The following ATG5 variants were observed in gnomAD, a reference collection of about 807,000 sequenced individuals.
ATG5 encodes autophagy related 5.
ATG5 carries 14 observed loss-of-function variants against 36.5 expected under a neutral mutation model. The observed-to-expected ratio is 0.38, with a 90% CI of 0.25 to 0.60. The LOEUF (loss-of-function observed/expected upper bound fraction) is 0.60, where lower values mean the gene tolerates loss of function less well. Ranked by LOEUF, ATG5 falls within the 20% of genes least tolerant of loss-of-function variation. ATG5 has a pLI of 0.60. For synonymous variants in ATG5, 95 were observed against 101.5 expected (o/e 0.94, Z 0.38); for missense variants, 195 against 326.7 (o/e 0.60, Z 3.11).
At chr6:106,269,343 G>A (rs1226335043) in intron 5 of ATG5, among the ~76,000 whole-genome samples, 7 of 152,252 alleles carry the variant, frequency 4.6e-5, no homozygotes, top group Admixed American at 3.3e-4. Context: ...CCAGACTCAG[G>A]AGCCCAGCTG....
chr6:106,292,549 T>C (rs1216766981), intron 4 of ATG5, among the ~76,000 whole-genome samples: 1 of 152,220 alleles, frequency 6.6e-6, no homozygotes, highest in East Asian at 1.9e-4. Flanking sequence ...TACTCAACAG[T>C]ATTAGGTTGT....
chr6:106,298,354 G>A (rs529904350), intron 3 of ATG5, among the ~76,000 whole-genome samples: 116 of 152,138 alleles, frequency 7.6e-4, no homozygotes, highest in East Asian at 1.9e-4. Flanking sequence ...TAAGAATTAG[G>A]AGATAAATTT....
rs5878872 is a variant in ATG5 at position 106,200,477 on chromosome 6, AT to A, written c.691+1494del. 1.9e-3 allele frequency among the ~76,000 whole-genome samples: 271 copies of A among 144,412 alleles called. 1 individual carries two copies. The highest frequency in any genetic ancestry group is 5.9e-3 in the South Asian group (27 of 4,592). 94.7% of individuals were successfully genotyped at this position (144,412 alleles called of 152,430 possible). On this transcript the variant is annotated intron_variant, in intron 7 of 7. Coordinates refer to ENST00000369076, the MANE Select transcript of ATG5 (RefSeq NM_004849.4). ...ATTATATAATAAATACAACTCTGCA[AT>A]TTTTTTTTTTTTTTGAGACGGAGTC...
chr6:106,281,090 T>TGA (rs1779861693), intron 4 of ATG5, among the ~76,000 whole-genome samples: 1 of 151,934 alleles, frequency 6.6e-6, no homozygotes, highest in South Asian at 2.1e-4. Context: ...AAGAATGAAA[T>TGA]GAAAAGATAA....
chr6:106,317,762 C>A (rs774137200), intron 1 of ATG5, among the ~76,000 whole-genome samples: 39 of 152,098 alleles, frequency 2.6e-4, no homozygotes, highest in Non-Finnish European at 5.6e-4. Context: ...TCCAAGTTTA[C>A]AAATGACACA....
rs1290316064 is a variant in ATG5 at position 106,185,017 on chromosome 6, T to C, written c.*1523A>G. The C allele has an allele frequency of 1.3e-5, 2 of 152,378 alleles. No homozygotes were observed. The highest frequency in any genetic ancestry group is 4.8e-5 in the African/African-American group (2 of 41,472). The allele number at this position is 152,378 out of a possible 1,614,324, so 9.4% of individuals were successfully genotyped here. On this transcript the variant is annotated 3_prime_UTR_variant, in exon 8 of 8. Transcript: ENST00000369076. ...TCCTGCCTTTACTAAAATGGCACTT[T>C]CGTTTACATCAACCAATTATTTTCT...
chr6:106,269,393 G>A (rs753595948), intron 5 of ATG5, among the ~76,000 whole-genome samples: 6 of 95,498 alleles, frequency 6.3e-5, no homozygotes, highest in Admixed American at 1.1e-4. Flanking sequence ...TGCCAGTCCC[G>A]CGCCGTGCCC....
At chr6:106,241,666 T>C (rs186898940) in intron 6 of ATG5, among the ~76,000 whole-genome samples, 1 of 152,272 alleles carries the variant, frequency 6.6e-6, no homozygotes, top group Admixed American at 6.5e-5. Flanking sequence ...TACAGCAGAT[T>C]ACCATCCACA....
intron 3 of ATG5, among the ~76,000 whole-genome samples, chr6:106,305,690 T>C (rs1364332573): frequency 6.6e-6 from 1 of 152,234 alleles, no homozygotes; most frequent in African/African-American, 2.4e-5. Context: ...AAGACACTTG[T>C]ATGGTCTCAA....
intron 6 of ATG5, among the ~76,000 whole-genome samples, chr6:106,246,392 T>TCACACACACACA (rs72252671): frequency 5.4e-5 from 7 of 129,570 alleles, no homozygotes; most frequent in African/African-American, 2.0e-4. Flanking sequence ...TCTCTCTCTC[T>TCACACACACACA]CACACACACA....
chr6:106,205,268 T>C (rs140916502), intron 6 of ATG5, among the ~76,000 whole-genome samples: 29 of 152,112 alleles, frequency 1.9e-4, no homozygotes, highest in Admixed American at 5.2e-4. Flanking sequence ...TACCCACAAC[T>C]CAAAGAAAAA....
intron 6 of ATG5, among the ~76,000 whole-genome samples, chr6:106,226,811 G>A (rs888960874): frequency 3.9e-5 from 6 of 152,100 alleles, no homozygotes; most frequent in African/African-American, 1.4e-4. Context: ...AAAAATTCTG[G>A]AGTTGAAAAG....
At chr6:106,261,074 G>C (rs1778999391) in intron 5 of ATG5, among the ~76,000 whole-genome samples, 1 of 152,176 alleles carries the variant, frequency 6.6e-6, no homozygotes, top group South Asian at 2.1e-4. Context: ...TAAAGGAATG[G>C]AACAGAGACT....
At chr6:106,321,428 G>A (rs953813116) in intron 1 of ATG5, among the ~76,000 whole-genome samples, 11 of 151,146 alleles carry the variant, frequency 7.3e-5, no homozygotes, top group South Asian at 2.1e-4. Flanking sequence ...GCGCCATCTC[G>A]GCTCACTGCA....
intron 6 of ATG5, among the ~76,000 whole-genome samples, chr6:106,236,863 C>A (rs1002347053): frequency 6.6e-6 from 1 of 152,200 alleles, no homozygotes; most frequent in African/African-American, 2.4e-5. Flanking sequence ...ATGAGTATCA[C>A]TAGCACATAG....
At chr6:106,269,241 T>C (rs951046049) in intron 5 of ATG5, among the ~76,000 whole-genome samples, 4 of 152,086 alleles carry the variant, frequency 2.6e-5, no homozygotes, top group African/African-American at 7.2e-5. Flanking sequence ...AGGGTGCTGA[T>C]TGGTGTGTTT....
At chr6:106,303,835 C>A (rs1266967385) in intron 3 of ATG5, among the ~76,000 whole-genome samples, 1 of 152,026 alleles carries the variant, frequency 6.6e-6, no homozygotes, top group Admixed American at 6.6e-5. Flanking sequence ...ACAGAAAAGG[C>A]ATCTGACAAA....
At chr6:106,243,958 A>T (rs1347104850) in intron 6 of ATG5, among the ~76,000 whole-genome samples, 1 of 110,028 alleles carries the variant, frequency 9.1e-6, no homozygotes, top group Non-Finnish European at 1.7e-5. Flanking sequence ...TCTGATGCCC[A>T]GGCTTGAGTG....
At chr6:106,219,523 A>G (rs1356811186) in intron 6 of ATG5, among the ~76,000 whole-genome samples, 1 of 152,208 alleles carries the variant, frequency 6.6e-6, no homozygotes, top group East Asian at 1.9e-4. Context: ...TAACTACAGT[A>G]TAACAACTAT....
Sources: allele counts gnomAD v4.1 joint callset (sites outside exome capture counted in the v4.1 genomes callset), GRCh38; gene constraint gnomAD v4.1.1; transcripts MANE v1.5; gene names NCBI Gene and HGNC (gene_info 2026-07-23, HGNC 2026-07-21).